ZNF827: variants seen among roughly 807,000 people sequenced by gnomAD.
ZNF827 encodes zinc finger protein 827.
Under a neutral mutation model 102.4 loss-of-function variants are expected in ZNF827, and 13 were observed. That is an observed-to-expected ratio of 0.13 (90% CI 0.08 to 0.20). ZNF827 has a LOEUF of 0.20. Ranked by LOEUF, ZNF827 falls within the 10% of genes least tolerant of loss-of-function variation. ZNF827 has a pLI of 1.00. For missense variants in ZNF827, 1,103 were observed against 1,344.4 expected, an observed-to-expected ratio of 0.82 and a Z score of 2.81; for synonymous variants, 523 against 536.2, an observed-to-expected ratio of 0.98 and a Z score of 0.34.
intron 2 of ZNF827, among the ~76,000 whole-genome samples, chr4:145,895,979 C>T (rs897230732): frequency 3.3e-5 from 5 of 152,288 alleles, no homozygotes; most frequent in African/African-American, 1.2e-4. Flanking sequence ...TCACTGCAAA[C>T]ACAACTAAAT....
At chr4:145,875,526 T>C (rs571154267) in intron 4 of ZNF827, among the ~76,000 whole-genome samples, 2 of 152,314 alleles carry the variant, frequency 1.3e-5, no homozygotes, top group African/African-American at 4.8e-5. Flanking sequence ...AGGGTGGGTT[T>C]TGTCTGAAGA....
intron 7 of ZNF827, among the ~76,000 whole-genome samples, chr4:145,844,522 A>G (rs987318275): frequency 1.3e-5 from 2 of 151,622 alleles, no homozygotes; most frequent in African/African-American, 2.4e-5. Context: ...TTTACAAAAA[A>G]TACAAAAATT....
At chr4:145,874,415 G>A (rs1358691454) in intron 4 of ZNF827, among the ~76,000 whole-genome samples, 1 of 152,156 alleles carries the variant, frequency 6.6e-6, no homozygotes, top group African/African-American at 2.4e-5. Flanking sequence ...AAACATTTGG[G>A]TCTCAATAGA....
At chr4:145,810,282 C>T (rs192134298) in intron 8 of ZNF827, among the ~76,000 whole-genome samples, 33 of 151,974 alleles carry the variant, frequency 2.2e-4, no homozygotes, top group East Asian at 5.8e-4. Context: ...TGAAGGAAGA[C>T]GGCTAGGAAT....
chr4:145,906,210 C>G (rs1288201602), intron 1 of ZNF827, among the ~76,000 whole-genome samples: 3 of 152,240 alleles, frequency 2.0e-5, no homozygotes, highest in African/African-American at 7.2e-5. Context: ...AATCTGCAGA[C>G]AGAACCGCTG....
rs963592372 is a variant in ZNF827, at chr4:145,765,701, G to C, written c.2898C>G (p.Pro966=). ...TCAGAGCTGAGAGGGAGGATGAAGA[G>C]GGGCTATTTGATTCGCTGGGGGTCT... ...DRKTPSESNS[P]SSSSLSALSD... Residue 966 remains proline, a synonymous_variant, in exon 12 of 15, where the codon CCC becomes CCG. Coordinates refer to ENST00000508784, the MANE Select transcript of ZNF827 (RefSeq NM_001306215.2). This position sits in a 1 kb window ranked among gnomAD's most constrained non-coding sequence, Gnocchi z 4.7. The C allele has an allele frequency of 8.7e-6, 14 of 1,614,106 alleles. No individual in the cohort carries two copies. Among genetic ancestry groups the C allele is most frequent in the Non-Finnish European group, 1.2e-5 (14 of 1,180,010 alleles).
intron 1 of ZNF827, among the ~76,000 whole-genome samples, chr4:145,909,620 G>A (rs964588352): frequency 1.8e-4 from 27 of 152,190 alleles, no homozygotes; most frequent in African/African-American, 6.5e-4. Flanking sequence ...CTCAATGTGG[G>A]TCACAGAAGA....
chr4:145,922,492 C>T (rs1301942061), intron 1 of ZNF827, among the ~76,000 whole-genome samples: 1 of 152,150 alleles, frequency 6.6e-6, no homozygotes, highest in Admixed American at 6.5e-5. Flanking sequence ...AAAACTAACA[C>T]ACAAACACAA....
intron 9 of ZNF827, among the ~76,000 whole-genome samples, chr4:145,777,353 GTTTAATAACAT>G (rs1247738848): frequency 6.6e-6 from 1 of 152,178 alleles, no homozygotes; most frequent in Non-Finnish European, 1.5e-5. Context: ...ATTTGGAAAG[GTTTAATAACAT>G]TGGAATTTCC....
At chr4:145,837,908 G>A (rs1201627061) in intron 7 of ZNF827, among the ~76,000 whole-genome samples, 2 of 151,910 alleles carry the variant, frequency 1.3e-5, no homozygotes, top group Non-Finnish European at 2.9e-5. Context: ...CCCACTCTAG[G>A]TTCCCACGCC....
chr4:145,838,523 T>C (rs1579334978), intron 7 of ZNF827, among the ~76,000 whole-genome samples: 1 of 152,164 alleles, frequency 6.6e-6, no homozygotes, highest in African/African-American at 2.4e-5. Context: ...TATCCCACCA[T>C]TGTTTATATT....
intron 4 of ZNF827, among the ~76,000 whole-genome samples, chr4:145,882,432 T>C (rs562457969): frequency 1.3e-5 from 2 of 152,180 alleles, no homozygotes; most frequent in Non-Finnish European, 2.9e-5. Flanking sequence ...GTGTTAAGTG[T>C]GGGCTCAGTC....
At chr4:145,796,950 A>C (rs2127087199) in intron 8 of ZNF827, among the ~76,000 whole-genome samples, 1 of 152,080 alleles carries the variant, frequency 6.6e-6, no homozygotes, top group South Asian at 2.1e-4. Flanking sequence ...CCTCCTAACA[A>C]CCCATGTGGT....
At chr4:145,768,857 T>TAAA (rs1735737627) in intron 11 of ZNF827, among the ~76,000 whole-genome samples, 1 of 5,740 alleles carries the variant, frequency 1.7e-4, no homozygotes, top group Non-Finnish European at 3.3e-4. Flanking sequence ...AGACTCCGTC[T>TAAA]CAAAAAAAAA....
At chr4:145,849,819 C>T (rs1746351795) in intron 5 of ZNF827, among the ~76,000 whole-genome samples, 1 of 152,200 alleles carries the variant, frequency 6.6e-6, no homozygotes, top group Admixed American at 6.5e-5. Flanking sequence ...AGGGCCAGGC[C>T]TTGGCCTGCA....
chr4:145,835,425 TC>T (rs1397761743), intron 7 of ZNF827: 1 of 148,422 alleles, frequency 6.7e-6, no homozygotes, highest in Non-Finnish European at 1.5e-5. Flanking sequence ...CTCTTAAAAC[TC>T]CCCAACTCTG....
chr4:145,906,518 C>G (rs1055806786), intron 1 of ZNF827, among the ~76,000 whole-genome samples: 23 of 152,156 alleles, frequency 1.5e-4, no homozygotes, highest in African/African-American at 5.6e-4. Context: ...TTCCTAACCC[C>G]CTCCACACCC....
chr4:145,795,976 G>A (rs538861800), intron 8 of ZNF827, among the ~76,000 whole-genome samples: 8 of 152,288 alleles, frequency 5.3e-5, no homozygotes, highest in Non-Finnish European at 1.2e-4. Flanking sequence ...ATAGTTAAAC[G>A]ATCGTGTCTC....
chr4:145,914,084 C>CACAG lies in ZNF827; in HGVS notation c.44-10870_44-10869insCTGT, dbSNP rs1416658428. Reference sequence around the variant, plus strand: ...GTAGACACACACACACACACACACACACACACCAAGAGCATTGGCATGATG... The same window carrying CACAG: ...GTAGACACACACACACACACACACACACAGACACACCAAGAGCATTGGCATGATG... On this transcript the variant is annotated intron_variant, in intron 1 of 14. Coordinates refer to ENST00000508784, the MANE Select transcript of ZNF827 (RefSeq NM_001306215.2). 2.0e-5 allele frequency among the ~76,000 whole-genome samples: 3 copies of CACAG among 151,808 alleles called. No homozygotes were observed. In the East Asian group the frequency reaches 5.8e-4, roughly 29 times the overall value.
Sources: allele counts gnomAD v4.1 joint callset (sites outside exome capture counted in the v4.1 genomes callset), GRCh38; gene constraint gnomAD v4.1.1; non-coding constraint Gnocchi (gnomAD v3.1); transcripts MANE v1.5; gene names NCBI Gene and HGNC (gene_info 2026-07-23, HGNC 2026-07-21).